The following TOMM20 variants were observed in gnomAD, a reference collection of about 807,000 sequenced individuals.
The protein encoded by TOMM20 is mitochondrial import receptor subunit TOM20 homolog.
Under a neutral mutation model 22.1 loss-of-function variants are expected in TOMM20, and 10 were observed. The observed-to-expected ratio is 0.45, with a 90% CI of 0.28 to 0.77. The LOEUF (loss-of-function observed/expected upper bound fraction) is 0.77, where lower values mean the gene tolerates loss of function less well. TOMM20 is among the 30% of genes least tolerant of loss of function. TOMM20 has a pLI of 0.13. For synonymous variants in TOMM20, 55 were observed against 61.4 expected (o/e 0.90, Z 0.49); for missense variants, 121 against 172.2 (o/e 0.70, Z 1.66).
At chr1:235,120,100 G>C (rs1660903401) in intron 2 of TOMM20, among the ~76,000 whole-genome samples, 2 of 152,192 alleles carry the variant, frequency 1.3e-5, no homozygotes, top group Admixed American at 6.5e-5. Context: ...ACTTGAGTTT[G>C]TAGTTGAATA....
chr1:235,123,207 G>A (rs1472946414), intron 1 of TOMM20, among the ~76,000 whole-genome samples: 2 of 152,182 alleles, frequency 1.3e-5, no homozygotes, highest in Non-Finnish European at 2.9e-5. Context: ...AGGTCTGAGG[G>A]CCGGGCCCAG....
intron 3 of TOMM20, among the ~76,000 whole-genome samples, chr1:235,114,572 G>C (rs1372211492): frequency 6.6e-6 from 1 of 151,594 alleles, no homozygotes; most frequent in Non-Finnish European, 1.5e-5. Flanking sequence ...CGCGCAGCTG[G>C]GACTACAGGC....
In TOMM20 at chr1:235,111,478, CCTA is replaced by C. The variant is rs953215274; in HGVS notation, c.*583_*585del. On this transcript the variant is annotated 3_prime_UTR_variant, in exon 5 of 5. Coordinates refer to ENST00000366607, the MANE Select transcript of TOMM20 (RefSeq NM_014765.3). ...AGATAAATACCCAGAACACATTAAG[CCTA>C]CTGATTTAAACAGAACATTTCAAGA... 2.0e-5 allele frequency: 3 copies of C among 153,172 alleles called. No individual in the cohort carries two copies. The highest frequency in any genetic ancestry group is 7.2e-5 in the African/African-American group (3 of 41,426). 9.5% of individuals were successfully genotyped at this position (153,172 alleles called of 1,614,324 possible). A position where few individuals can be genotyped will look rare whatever the true frequency, so the allele number is the denominator to read the frequency against.
rs914613711 is a variant in TOMM20 at position 235,109,574 on chromosome 1, AAC to A, written c.*2488_*2489del. The A allele has an allele frequency of 2.0e-5, 3 of 152,240 alleles. No homozygotes were observed. The highest frequency in any genetic ancestry group is 7.2e-5 in the African/African-American group (3 of 41,458). The allele number at this position is 152,240 out of a possible 1,614,324, so 9.4% of individuals were successfully genotyped here. A position where few individuals can be genotyped will look rare whatever the true frequency, so the allele number is the denominator to read the frequency against. On this transcript the variant is annotated 3_prime_UTR_variant, in exon 5 of 5. Transcript: ENST00000366607. ...ACTTACCAAGGGGCAAAAGGAACCA[AAC>A]ATTTACTGAGTGCCGACTATGCAAG... is the stretch of plus-strand genomic sequence containing the variant.
intron 1 of TOMM20, among the ~76,000 whole-genome samples, chr1:235,123,051 G>A (rs1415900351): frequency 6.6e-6 from 1 of 152,160 alleles, no homozygotes; most frequent in East Asian, 1.9e-4. Flanking sequence ...TTATTAGCTG[G>A]GTGATCTTAG....
At chr1:235,114,047 T>TC in intron 3 of TOMM20, 137 bp from the exon 4 acceptor site, 1 of 861,550 alleles carries the variant, frequency 1.2e-6, no homozygotes, top group Non-Finnish European at 1.7e-6. Context: ...TATAATGCAT[T>TC]CATATAACTA....
At chr1:235,116,869 C>T (rs1248675291) in intron 3 of TOMM20, among the ~76,000 whole-genome samples, 1 of 152,060 alleles carries the variant, frequency 6.6e-6, no homozygotes, top group Non-Finnish European at 1.5e-5. Flanking sequence ...GGCACGCTGG[C>T]TCAAGCCTGT....
intron 3 of TOMM20, among the ~76,000 whole-genome samples, chr1:235,115,854 T>TA (rs1660819405): frequency 6.6e-6 from 1 of 151,942 alleles, no homozygotes; most frequent in Admixed American, 6.6e-5. Context: ...CACACATGTT[T>TA]ACTGCCCATT....
At chr1:235,122,482 TC>T in intron 1 of TOMM20, 110 bp from the exon 2 acceptor site, 1 of 961,444 alleles carries the variant, frequency 1.0e-6, no homozygotes, top group Non-Finnish European at 1.6e-6. Flanking sequence ...CATTTCTAAC[TC>T]TAGGAATCTA....
chr1:235,116,959 C>G (rs375669597), intron 3 of TOMM20, among the ~76,000 whole-genome samples: 96 of 150,792 alleles, frequency 6.4e-4, no homozygotes, highest in African/African-American at 2.0e-3. Context: ...CATGGTGAAA[C>G]CCCGTCTCTA....
chr1:235,124,896 A>C (rs1660985597), intron 1 of TOMM20, among the ~76,000 whole-genome samples: 1 of 152,216 alleles, frequency 6.6e-6, no homozygotes, highest in African/African-American at 2.4e-5. Flanking sequence ...TCAACTGAAA[A>C]ACCATGAAGA....
chr1:235,120,405 T>G (rs1018228913), intron 2 of TOMM20, among the ~76,000 whole-genome samples: 2 of 151,794 alleles, frequency 1.3e-5, no homozygotes, highest in East Asian at 3.9e-4. Context: ...CCCGAGTAGC[T>G]GGGTGCCCGC....
chr1:235,128,249 C>T (rs1661066374), intron 1 of TOMM20, among the ~76,000 whole-genome samples: 1 of 152,202 alleles, frequency 6.6e-6, no homozygotes, highest in South Asian at 2.1e-4. Context: ...GACAAAAATG[C>T]ACGACTTTTT....
chr1:235,112,853 G>A (rs763164733), intron 4 of TOMM20, among the ~76,000 whole-genome samples: 13 of 152,124 alleles, frequency 8.5e-5, no homozygotes, highest in Non-Finnish European at 1.5e-4. Context: ...ATATTAAACC[G>A]ATGATTCCAG....
chr1:235,121,728 CTTAAT>C (rs1379981786), intron 2 of TOMM20, among the ~76,000 whole-genome samples: 2 of 152,202 alleles, frequency 1.3e-5, no homozygotes, highest in Non-Finnish European at 2.9e-5. Context: ...TTAACATTTA[CTTAAT>C]TTACTTACAC....
chr1:235,120,191 G>C (rs1660905869), intron 2 of TOMM20, among the ~76,000 whole-genome samples: 1 of 152,186 alleles, frequency 6.6e-6, no homozygotes, highest in African/African-American at 2.4e-5. Context: ...AATATTTTCG[G>C]ATGCCATTAT....
intron 3 of TOMM20, among the ~76,000 whole-genome samples, chr1:235,117,027 C>T (rs1227480100): frequency 2.1e-5 from 3 of 141,760 alleles, no homozygotes; most frequent in East Asian, 2.3e-4. Context: ...CCCAGCTACT[C>T]GGGAGGCTGA....
intron 1 of TOMM20, among the ~76,000 whole-genome samples, chr1:235,122,897 G>C (rs925227638): frequency 6.6e-6 from 1 of 152,114 alleles, no homozygotes; most frequent in Non-Finnish European, 1.5e-5. Flanking sequence ...GGTATCCAGG[G>C]GAGGCCTGGA....
intron 3 of TOMM20, among the ~76,000 whole-genome samples, chr1:235,119,172 G>A (rs1295388659): frequency 1.3e-5 from 2 of 152,084 alleles, no homozygotes; most frequent in Non-Finnish European, 2.9e-5. Context: ...CGGTTCTCAC[G>A]TTTGTCAATT....
Sources: gnomAD v4.1 joint callset for allele counts (sites outside exome capture counted in the v4.1 genomes callset) on GRCh38, gnomAD v4.1.1 for gene constraint, MANE v1.5 for transcripts, NCBI Gene and HGNC (gene_info 2026-07-23, HGNC 2026-07-21) for gene names.